Variants in KAZN observed in about 807,000 individuals in gnomAD.
The protein encoded by KAZN is kazrin.
A neutral mutation model predicts 87.4 loss-of-function variants in KAZN; 40 were observed. The observed-to-expected ratio is 0.46, with a 90% CI of 0.36 to 0.60. The LOEUF (loss-of-function observed/expected upper bound fraction) is 0.60. Among genes scored for constraint, KAZN ranks in the 20% least tolerant of loss-of-function variants. KAZN has a pLI of 0.00. For missense variants in KAZN, 898 were observed against 1,073.9 expected (o/e 0.84, Z 2.29); for synonymous variants, 466 against 458.3 (o/e 1.02, Z -0.22).
chr1:14,931,191 C>G (rs1486725564), intron 1 of KAZN, among the ~76,000 whole-genome samples: 2 of 151,950 alleles, frequency 1.3e-5, no homozygotes, highest in Non-Finnish European at 2.9e-5. Flanking sequence ...AGTCCCAGCA[C>G]TTTGGGTGGC....
intron 2 of KAZN, among the ~76,000 whole-genome samples, chr1:14,537,737 G>C (rs1672585012): frequency 6.6e-6 from 1 of 152,160 alleles, no homozygotes; most frequent in Non-Finnish European, 1.5e-5. Flanking sequence ...TCAGTTATCA[G>C]TTTCCCCATC....
At chr1:15,071,128 T>A (rs1639486389) in intron 8 of KAZN, among the ~76,000 whole-genome samples, 1 of 152,348 alleles carries the variant, frequency 6.6e-6, no homozygotes, top group Admixed American at 6.5e-5. Flanking sequence ...TCTTAGCAGT[T>A]CGTATGTTAG....
intron 1 of KAZN, among the ~76,000 whole-genome samples, chr1:14,040,047 A>ATG (rs1557426675): frequency 1.3e-5 from 2 of 151,114 alleles, no homozygotes; most frequent in Non-Finnish European, 3.0e-5. Flanking sequence ...GTGTGTGTGC[A>ATG]CGTGTGTGTG....
At chr1:14,025,670 A>G (rs1392338886) in intron 1 of KAZN, among the ~76,000 whole-genome samples, 1 of 152,226 alleles carries the variant, frequency 6.6e-6, no homozygotes, top group Non-Finnish European at 1.5e-5. Flanking sequence ...GCCACTGGCC[A>G]CATCTGACCA....
At chr1:14,191,800 G>A (rs549343621) in intron 2 of KAZN, among the ~76,000 whole-genome samples, 1 of 152,248 alleles carries the variant, frequency 6.6e-6, no homozygotes, top group Admixed American at 6.5e-5. Flanking sequence ...GACTGTTAGT[G>A]GAAACTGCAC....
intron 2 of KAZN, among the ~76,000 whole-genome samples, chr1:14,531,911 T>C (rs1409400479): frequency 6.6e-6 from 1 of 152,112 alleles, no homozygotes; most frequent in Non-Finnish European, 1.5e-5. Flanking sequence ...CCCTGGAGCC[T>C]CCCCGCGGGA....
chr1:14,551,177 A>C (rs10803287), intron 2 of KAZN, among the ~76,000 whole-genome samples: 144,946 of 152,212 alleles, frequency 0.95, 69,422 homozygotes, highest in East Asian at 1. Context: ...AACTTCAGAC[A>C]CACTGCCCCA....
intron 2 of KAZN, among the ~76,000 whole-genome samples, chr1:14,539,869 G>A (rs1366930760): frequency 6.6e-6 from 1 of 152,034 alleles, no homozygotes; most frequent in African/African-American, 2.4e-5. Flanking sequence ...ATTTTTCAAG[G>A]GAAAGTCACC....
At chr1:14,988,703 G>T (rs1667068959) in intron 2 of KAZN, among the ~76,000 whole-genome samples, 1 of 152,092 alleles carries the variant, frequency 6.6e-6, no homozygotes, top group Non-Finnish European at 1.5e-5. Context: ...CTCCACTGAT[G>T]CCCCCCCAGT....
chr1:13,983,309 C>T (rs547084303), intron 1 of KAZN, among the ~76,000 whole-genome samples: 165 of 152,340 alleles, frequency 1.1e-3, no homozygotes, highest in Non-Finnish European at 1.8e-3. Flanking sequence ...CCCTGCCCCA[C>T]GGGAAGGCAG....
rs111792286 is a variant in KAZN at position 13,939,101 on chromosome 1, C to T, written c.91+45345C>T. ...TATCAGCACCTAGCTCTTTTTTAGT[C>T]ATGCTAATATCTCTAGCAAGTGGTT... On this transcript the variant is annotated intron_variant, in intron 1 of 16. Coordinates refer to the KAZN transcript ENST00000636203. Among the ~76,000 whole-genome samples the T allele has an allele frequency of 5.1e-3, 783 of 152,324 alleles. 10 individuals are homozygous for T. Among genetic ancestry groups the T allele is most frequent in the African/African-American group, 0.018 (751 of 41,570 alleles).
chr1:14,031,377 G>T (rs1468809187), intron 1 of KAZN, among the ~76,000 whole-genome samples: 2 of 152,186 alleles, frequency 1.3e-5, no homozygotes, highest in Non-Finnish European at 1.5e-5. Flanking sequence ...CTACAAATTG[G>T]CTAGCTACCC....
chr1:14,526,219 T>C (rs955523573), intron 2 of KAZN, among the ~76,000 whole-genome samples: 1 of 152,228 alleles, frequency 6.6e-6, no homozygotes, highest in East Asian at 1.9e-4. Context: ...TACGATTGAC[T>C]CTTTAATTTT....
At chr1:14,386,276 G>C (rs1661880319) in intron 2 of KAZN, among the ~76,000 whole-genome samples, 1 of 147,088 alleles carries the variant, frequency 6.8e-6, no homozygotes, top group Admixed American at 6.8e-5. Context: ...CAATTTGCCA[G>C]TCTGTGTCTT....
chr1:14,200,071 G>C (rs2100401444), intron 2 of KAZN, among the ~76,000 whole-genome samples: 1 of 152,174 alleles, frequency 6.6e-6, no homozygotes, highest in East Asian at 1.9e-4. Context: ...TTTGATGCAT[G>C]CATATCCTAT....
chr1:14,245,863 T>C (rs986573917), intron 2 of KAZN, among the ~76,000 whole-genome samples: 1 of 152,184 alleles, frequency 6.6e-6, no homozygotes, highest in Non-Finnish European at 1.5e-5. Context: ...CATTTTATTA[T>C]AAAGATACAT....
At chr1:13,977,396 G>C (rs1638419075) in intron 1 of KAZN, among the ~76,000 whole-genome samples, 2 of 152,196 alleles carry the variant, frequency 1.3e-5, no homozygotes, top group Admixed American at 1.3e-4. Flanking sequence ...GCTTTCAGTG[G>C]AGTAATGTAG....
Position 14,386,526 on chromosome 1 carries a change from CA to C in KAZN, c.249+205935del, listed in dbSNP as rs564780008. On this transcript the variant is annotated intron_variant, in intron 2 of 16. Transcript: ENST00000636203. The stretch of plus-strand genomic sequence containing the variant: ...CAGGCCTGGTGGTGACAAAATCTCT[CA>C]GCATTTGCTTGTCTGTAAAGTAGTT... 3.8e-3 allele frequency among the ~76,000 whole-genome samples: 571 copies of C among 151,936 alleles called. 10 individuals carry two copies. Among genetic ancestry groups the C allele is most frequent in the African/African-American group, 0.013 (539 of 41,468 alleles).
At chr1:13,921,712 G>A (rs891989304) in intron 1 of KAZN, among the ~76,000 whole-genome samples, 6 of 151,824 alleles carry the variant, frequency 4.0e-5, no homozygotes, top group African/African-American at 9.7e-5. Context: ...TGCAAGCTCC[G>A]CCTCCCGGGT....
Sources: allele counts gnomAD v4.1 joint callset (sites outside exome capture counted in the v4.1 genomes callset), GRCh38; gene constraint gnomAD v4.1.1; transcripts MANE v1.5; gene names NCBI Gene and HGNC (gene_info 2026-07-23, HGNC 2026-07-21).